The following CACNA2D3 variants were observed in gnomAD, a reference collection of about 807,000 sequenced individuals.
CACNA2D3 encodes calcium voltage-gated channel auxiliary subunit alpha2delta 3.
Under a neutral mutation model 160.6 loss-of-function variants are expected in CACNA2D3, and 60 were observed. The ratio of observed to expected loss-of-function variants is 0.37; its 90% CI spans 0.30 to 0.46. The LOEUF (loss-of-function observed/expected upper bound fraction) is 0.46. Among genes scored for constraint, CACNA2D3 ranks in the 20% least tolerant of loss-of-function variants. The pLI, the probability that CACNA2D3 is intolerant of heterozygous loss-of-function variation, is 1.00. For synonymous variants in CACNA2D3, 558 were observed against 492.9 expected, an observed-to-expected ratio of 1.13 and a Z score of -1.75; for missense variants, 1,205 against 1,365.0, an observed-to-expected ratio of 0.88 and a Z score of 1.85.
intron 32 of CACNA2D3, among the ~76,000 whole-genome samples, chr3:55,007,205 G>C (rs1164842071): frequency 6.6e-6 from 1 of 152,170 alleles, no homozygotes; most frequent in Non-Finnish European, 1.5e-5. Flanking sequence ...CTTTTATAGA[G>C]TGAAGGAGAT....
In CACNA2D3 at chr3:54,728,322, G is replaced by A. The variant is rs140072884; in HGVS notation, c.1168-24277G>A. On this transcript the variant is annotated intron_variant, in intron 11 of 37. Transcript: ENST00000474759. ...CTGGATATTTCTACTGACTTCTCCA[G>A]TTCATTAATCTTCTCTTCGGTAGTG... 5.9e-3 allele frequency among the ~76,000 whole-genome samples: 904 copies of A among 152,122 alleles called. 15 individuals are homozygous for A. Among genetic ancestry groups the A allele is most frequent in the African/African-American group, 0.02 (842 of 41,556 alleles).
intron 2 of CACNA2D3, among the ~76,000 whole-genome samples, chr3:54,129,418 T>C (rs1016720294): frequency 6.6e-6 from 1 of 152,254 alleles, no homozygotes; most frequent in Non-Finnish European, 1.5e-5. Flanking sequence ...ATTCCAAGGC[T>C]GTTTAAGGCA....
At chr3:54,679,620 C>T (rs1317427592) in intron 11 of CACNA2D3, among the ~76,000 whole-genome samples, 2 of 152,226 alleles carry the variant, frequency 1.3e-5, no homozygotes, top group Admixed American at 1.3e-4. Context: ...TCATCCTTCA[C>T]AGCTCTGCTC....
chr3:54,460,275 A>G (rs1289983021), intron 4 of CACNA2D3, among the ~76,000 whole-genome samples: 4 of 152,110 alleles, frequency 2.6e-5, no homozygotes, highest in Admixed American at 6.6e-5. Flanking sequence ...TTGGTTCCAT[A>G]TGAACTTTAA....
chr3:54,679,420 A>G (rs369622910), intron 11 of CACNA2D3, among the ~76,000 whole-genome samples: 11 of 152,354 alleles, frequency 7.2e-5, no homozygotes, highest in East Asian at 5.8e-4. Context: ...TTCAGGGCCT[A>G]CTGAGGCAGC....
At chr3:54,806,441 C>T (rs1429264349) in intron 13 of CACNA2D3, among the ~76,000 whole-genome samples, 1 of 152,144 alleles carries the variant, frequency 6.6e-6, no homozygotes, top group African/African-American at 2.4e-5. Context: ...CATGAGTGAA[C>T]TCTCATTCAC....
At chr3:54,872,625 A>T (rs914416165) in intron 18 of CACNA2D3, among the ~76,000 whole-genome samples, 2 of 152,062 alleles carry the variant, frequency 1.3e-5, no homozygotes, top group Non-Finnish European at 2.9e-5. Flanking sequence ...CCTTCTTTCC[A>T]CACGCTCTGC....
At chr3:54,393,789 G>A (rs1464984318) in intron 4 of CACNA2D3, among the ~76,000 whole-genome samples, 1 of 152,226 alleles carries the variant, frequency 6.6e-6, no homozygotes, top group Non-Finnish European at 1.5e-5. Flanking sequence ...ACAGGGCGTT[G>A]GTTGAGCTGG....
intron 4 of CACNA2D3, among the ~76,000 whole-genome samples, chr3:54,455,606 C>T (rs905439198): frequency 6.6e-6 from 1 of 151,926 alleles, no homozygotes; most frequent in Non-Finnish European, 1.5e-5. Flanking sequence ...ATTTTTGCTT[C>T]TGTTGTCTGT....
chr3:54,221,765 G>A (rs1377963495), intron 2 of CACNA2D3, among the ~76,000 whole-genome samples: 1 of 152,066 alleles, frequency 6.6e-6, no homozygotes, highest in Non-Finnish European at 1.5e-5. Flanking sequence ...CTAATGGAGT[G>A]TAAATGCTAT....
At position 54,204,667 on chromosome 3, in the gene CACNA2D3, A is replaced by G. The variant is rs144354576; in HGVS notation, c.204+81073A>G. 3.4e-3 allele frequency among the ~76,000 whole-genome samples: 524 copies of G among 152,096 alleles called. 4 individuals carry two copies. Among genetic ancestry groups the G allele is most frequent in the African/African-American group, 0.011 (477 of 41,512 alleles). ...AAAAATTAGCTGGATGTGGTGGCAC[A>G]TGCCTGTAATCCCAGCTACTTGGGA... On this transcript the variant is annotated intron_variant, in intron 2 of 37. Transcript: ENST00000474759.
chr3:54,581,662 A>G (rs552821637), intron 8 of CACNA2D3, 141 bp from the exon 9 acceptor site: 2 of 687,398 alleles, frequency 2.9e-6, no homozygotes, highest in East Asian at 2.7e-5. Context: ...AGGGACACCC[A>G]TGAGAGAGTT....
At chr3:54,149,886 T>C (rs1203406958) in intron 2 of CACNA2D3, among the ~76,000 whole-genome samples, 3 of 38,300 alleles carry the variant, frequency 7.8e-5, no homozygotes, top group African/African-American at 2.1e-4. Flanking sequence ...AGTATCTGTC[T>C]CTCTCTCTCT....
chr3:54,683,332 T>G (rs1700388110), intron 11 of CACNA2D3, among the ~76,000 whole-genome samples: 1 of 152,196 alleles, frequency 6.6e-6, no homozygotes. Context: ...TGCCTTGCTA[T>G]GTCTGGAAAT....
intron 9 of CACNA2D3, among the ~76,000 whole-genome samples, chr3:54,595,991 A>G (rs755225934): frequency 2.6e-5 from 4 of 152,110 alleles, no homozygotes; most frequent in Non-Finnish European, 4.4e-5. Flanking sequence ...TTGGCATACA[A>G]TTTTAACCAA....
At chr3:54,668,648 T>C (rs776172239) in intron 11 of CACNA2D3, among the ~76,000 whole-genome samples, 23 of 152,212 alleles carry the variant, frequency 1.5e-4, no homozygotes, top group Admixed American at 3.9e-4. Context: ...AATGTAAATA[T>C]CTTCACCAAC....
At chr3:54,996,416 G>A (rs76890706) in intron 31 of CACNA2D3, among the ~76,000 whole-genome samples, 3 of 152,200 alleles carry the variant, frequency 2.0e-5, no homozygotes, top group Non-Finnish European at 2.9e-5. Flanking sequence ...AAACCAGCTG[G>A]CAGCTAGGTG....
chr3:54,391,571 T>C (rs1396267424), intron 4 of CACNA2D3, among the ~76,000 whole-genome samples: 2 of 151,310 alleles, frequency 1.3e-5, no homozygotes. Flanking sequence ...AGTGCAGTGG[T>C]GCGATCTCAG....
At chr3:54,805,538 T>G (rs1167659208) in intron 13 of CACNA2D3, among the ~76,000 whole-genome samples, 1 of 151,846 alleles carries the variant, frequency 6.6e-6, no homozygotes, top group Non-Finnish European at 1.5e-5. Flanking sequence ...AATAACAGGC[T>G]CTGAAATTGT....
Sources: allele counts gnomAD v4.1 joint callset (sites outside exome capture counted in the v4.1 genomes callset), GRCh38; gene constraint gnomAD v4.1.1; transcripts MANE v1.5; gene names NCBI Gene and HGNC (gene_info 2026-07-23, HGNC 2026-07-21).